PLXNA4: variants seen among roughly 807,000 people sequenced by gnomAD.
PLXNA4 encodes the protein plexin-A4.
In PLXNA4, 44 loss-of-function variants were observed where a neutral mutation model predicts 191.8. The observed-to-expected ratio is 0.23, with a 90% CI of 0.18 to 0.29. PLXNA4 has a LOEUF of 0.29. Ranked by LOEUF, PLXNA4 falls within the 10% of genes least tolerant of loss-of-function variation. The pLI, the probability that PLXNA4 is intolerant of heterozygous loss-of-function variation, is 1.00. For missense variants in PLXNA4, 1,800 were observed against 2,488.8 expected (o/e 0.72, Z 5.89); for synonymous variants, 1,082 against 1,009.5 (o/e 1.07, Z -1.36).
chr7:132,252,829 T>A (rs1799302189), intron 4 of PLXNA4, among the ~76,000 whole-genome samples: 1 of 152,066 alleles, frequency 6.6e-6, no homozygotes, highest in African/African-American at 2.4e-5. Context: ...TAAATATCCA[T>A]CCACAGGGGG....
intron 3 of PLXNA4, among the ~76,000 whole-genome samples, chr7:132,315,200 T>C (rs1801898250): frequency 6.6e-6 from 1 of 152,206 alleles, no homozygotes; most frequent in Admixed American, 6.5e-5. Flanking sequence ...TCCGGTCTGT[T>C]CTGTGTGACC....
At chr7:132,304,629 C>G (rs1801438005) in intron 3 of PLXNA4, among the ~76,000 whole-genome samples, 1 of 152,142 alleles carries the variant, frequency 6.6e-6, no homozygotes, top group Non-Finnish European at 1.5e-5. Flanking sequence ...CACTATGTGG[C>G]CAGAGGCTAC....
intron 4 of PLXNA4, among the ~76,000 whole-genome samples, chr7:132,271,663 G>T (rs561854790): frequency 6.6e-6 from 1 of 152,200 alleles, no homozygotes; most frequent in East Asian, 1.9e-4. Context: ...CAACACCACT[G>T]CCATGAAATG....
rs1794703582 is a variant in PLXNA4 at position 132,123,963 on chromosome 7, GGT to G, written c.*6514_*6515del. On this transcript the variant is annotated 3_prime_UTR_variant, in exon 32 of 32. Coordinates refer to ENST00000321063, the MANE Select transcript of PLXNA4 (RefSeq NM_020911.2). Reference sequence around the variant, plus strand: ...TCTGTTGTGGTACCCTGGAGTTGCTGGTTGCTATGGTAACTCAGCAGGACCCT... The same window carrying G: ...TCTGTTGTGGTACCCTGGAGTTGCTGTGCTATGGTAACTCAGCAGGACCCT... 6.6e-6 allele frequency: 1 copy of G among 152,260 alleles called. No individual in the cohort carries two copies. The highest frequency in any genetic ancestry group is 6.5e-5 in the Admixed American group (1 of 15,286). 9.4% of individuals were successfully genotyped at this position (152,260 alleles called of 1,614,324 possible). A position where few individuals can be genotyped will look rare whatever the true frequency, so the allele number is the denominator to read the frequency against.
At chr7:132,398,534 C>T (rs1032196192) in intron 3 of PLXNA4, among the ~76,000 whole-genome samples, 13 of 152,230 alleles carry the variant, frequency 8.5e-5, no homozygotes, top group Non-Finnish European at 7.3e-5. Flanking sequence ...TTCTCCTTTT[C>T]ATGAAGCCAG....
At chr7:132,336,233 A>G (rs1402013682) in intron 3 of PLXNA4, among the ~76,000 whole-genome samples, 1 of 152,194 alleles carries the variant, frequency 6.6e-6, no homozygotes, top group Non-Finnish European at 1.5e-5. Flanking sequence ...TAGTATAAAT[A>G]AGAATGTTAA....
At chr7:132,410,178 C>T (rs1483552895) in intron 3 of PLXNA4, among the ~76,000 whole-genome samples, 1 of 152,186 alleles carries the variant, frequency 6.6e-6, no homozygotes, top group Non-Finnish European at 1.5e-5. Context: ...GAAAGGGAAA[C>T]TGTGCCCACC....
intron 1 of PLXNA4, among the ~76,000 whole-genome samples, chr7:132,646,262 A>G (rs956382166): frequency 6.6e-6 from 1 of 151,950 alleles, no homozygotes; most frequent in Non-Finnish European, 1.5e-5. Flanking sequence ...GAGTCATCCG[A>G]GGATACAGCT....
intron 3 of PLXNA4, among the ~76,000 whole-genome samples, chr7:132,488,801 A>G (rs1283796191): frequency 6.6e-6 from 1 of 152,198 alleles, no homozygotes; most frequent in Non-Finnish European, 1.5e-5. Flanking sequence ...TGGTTTTCTC[A>G]GCCCACAACT....
At chr7:132,603,911 A>T (rs186539384) in intron 2 of PLXNA4, among the ~76,000 whole-genome samples, 470 of 152,324 alleles carry the variant, frequency 3.1e-3, no homozygotes, top group Non-Finnish European at 4.5e-3. Context: ...ATAGATCTAA[A>T]TTAAAACCTT....
intron 1 of PLXNA4, among the ~76,000 whole-genome samples, chr7:132,559,834 G>C (rs923711867): frequency 6.6e-6 from 1 of 152,232 alleles, no homozygotes. Flanking sequence ...TGGAAAGAGA[G>C]AGAACAGATA....
chr7:132,508,875 C>G lies in PLXNA4; in HGVS notation c.-86-96G>C. On this transcript the variant is annotated intron_variant, in intron 1 of 31. Coordinates refer to ENST00000321063, the MANE Select transcript of PLXNA4 (RefSeq NM_020911.2). The surrounding 1 kb of genome is among the most constrained non-coding windows in gnomAD (Gnocchi z 4.4). ...CTGGACTTTCAAAATGTTCTGCACA[C>G]ACTGAGCAGAACTGCACTGGGGGGT... The G allele has an allele frequency of 3.3e-6, 4 of 1,230,136 alleles. No individual in the cohort carries two copies. Among genetic ancestry groups the G allele is most frequent in the Non-Finnish European group, 4.4e-6 (4 of 917,172 alleles). The allele number at this position is 1,230,136 out of a possible 1,614,324, so 76.2% of individuals were successfully genotyped here.
chr7:132,516,955 TCAAACAAA>T (rs887728016), intron 1 of PLXNA4, among the ~76,000 whole-genome samples: 1 of 152,046 alleles, frequency 6.6e-6, no homozygotes, highest in Non-Finnish European at 1.5e-5. Flanking sequence ...AGACTCTACC[TCAAACAAA>T]CAAACAAACA....
chr7:132,360,883 C>T (rs985391680), intron 3 of PLXNA4, among the ~76,000 whole-genome samples: 3 of 152,216 alleles, frequency 2.0e-5, no homozygotes, highest in Non-Finnish European at 2.9e-5. Context: ...GAGATGGGGG[C>T]CACATCTGCT....
At chr7:132,351,913 T>C (rs1272457398) in intron 3 of PLXNA4, among the ~76,000 whole-genome samples, 3 of 151,986 alleles carry the variant, frequency 2.0e-5, no homozygotes, top group Non-Finnish European at 4.4e-5. Flanking sequence ...AGTTGGAAAA[T>C]AAAAGGGGGC....
Position 132,197,969 on chromosome 7 carries a change from A to G in PLXNA4, c.2738+516T>C, listed in dbSNP as rs537942337. 3.3e-4 allele frequency among the ~76,000 whole-genome samples: 50 copies of G among 152,270 alleles called. No homozygotes were observed. In the South Asian group the frequency reaches 9.8e-3, roughly 30 times the overall value. On this transcript the variant is annotated intron_variant, in intron 13 of 31. Coordinates refer to ENST00000321063, the MANE Select transcript of PLXNA4 (RefSeq NM_020911.2). ...CATGCATGATTCACAAACCTCCTCTACTAGGTGGGTTACAGGTCAAGGTCT... is the reference window on the plus strand; with the variant it reads ...CATGCATGATTCACAAACCTCCTCTGCTAGGTGGGTTACAGGTCAAGGTCT...
chr7:132,499,938 C>T (rs1050493787), intron 2 of PLXNA4, among the ~76,000 whole-genome samples: 9 of 152,126 alleles, frequency 5.9e-5, no homozygotes, highest in Non-Finnish European at 8.8e-5. Flanking sequence ...CCCATAGGGC[C>T]ACACACACTA....
chr7:132,170,996 C>T (rs1365180726), intron 21 of PLXNA4, among the ~76,000 whole-genome samples: 2 of 152,204 alleles, frequency 1.3e-5, no homozygotes, highest in African/African-American at 2.4e-5. Flanking sequence ...TCGTGCCTGC[C>T]TCCCCCAGTT....
At chr7:132,278,129 A>C (rs762925386) in intron 4 of PLXNA4, among the ~76,000 whole-genome samples, 3 of 152,244 alleles carry the variant, frequency 2.0e-5, no homozygotes, top group Non-Finnish European at 2.9e-5. Flanking sequence ...TCTATGCAGA[A>C]AGTTCCTGTG....
Sources: allele counts gnomAD v4.1 joint callset (sites outside exome capture counted in the v4.1 genomes callset), GRCh38; gene constraint gnomAD v4.1.1; non-coding constraint Gnocchi (gnomAD v3.1); transcripts MANE v1.5; gene names NCBI Gene and HGNC (gene_info 2026-07-23, HGNC 2026-07-21).